Variants in MYOZ1 observed in about 807,000 individuals in gnomAD.
MYOZ1 encodes myozenin 1, also known as myozenin-1.
A neutral mutation model predicts 28.7 loss-of-function variants in MYOZ1; 20 were observed. The observed-to-expected ratio is 0.70, with a 90% CI of 0.49 to 1.01. The LOEUF (loss-of-function observed/expected upper bound fraction) is 1.01, where lower values mean the gene tolerates loss of function less well. Among genes scored for constraint, MYOZ1 ranks in the 50% least tolerant of loss-of-function variants. The pLI, the probability that MYOZ1 is intolerant of heterozygous loss-of-function variation, is 0.00. For missense variants in MYOZ1, 371 were observed against 372.4 expected, an observed-to-expected ratio of 1.00 and a Z score of 0.03; for synonymous variants, 144 against 145.8, an observed-to-expected ratio of 0.99 and a Z score of 0.09.
At position 73,637,858 on chromosome 10, in the gene MYOZ1, C is replaced by T. The variant is rs985654689; in HGVS notation, c.138G>A (p.Leu46=). 2.3e-5 allele frequency: 37 copies of T among 1,614,032 alleles called. No individual in the cohort carries two copies. Among genetic ancestry groups the T allele is most frequent in the Non-Finnish European group, 3.1e-5 (36 of 1,180,036 alleles). ...GGTTGGTAAGCAGCGACAGTTCCTCCAACATCACATCCCTTGGGACACTGA... is the reference window on the plus strand; with the variant it reads ...GGTTGGTAAGCAGCGACAGTTCCTCTAACATCACATCCCTTGGGACACTGA... ...KKISVPRDVM[L]EELSLLTNRG... is the part of the protein sequence containing the mutation. Residue 46 remains leucine (L), a synonymous_variant, in exon 3 of 6, where the codon TTG becomes TTA. Transcript: ENST00000359322.
Position 73,632,128 on chromosome 10 carries a change from GGC to G in MYOZ1, c.700_701del (p.Ala234LeufsTer12). 6.2e-7 allele frequency: 1 copy of G among 1,614,170 alleles called. No individual in the cohort carries two copies. Among genetic ancestry groups the G allele is most frequent in the Non-Finnish European group, 8.5e-7 (1 of 1,180,026 alleles). On this transcript the variant is annotated frameshift_variant, in exon 6 of 6. Coordinates refer to ENST00000359322, the MANE Select transcript of MYOZ1 (RefSeq NM_021245.4). LOFTEE classifies it high-confidence loss of function. The part of the protein sequence containing the change: ...TAMPYGGYEK[A>X]SKRMTFQMPK... ...GCATCTGGAAGGTCATGCGTTTGGA[GGC>G]CTTCTCATATCCACCATAGGGCATT...
chr10:73,634,337 T>A, intron 4 of MYOZ1, 147 bp downstream of exon 4: 5 of 1,032,330 alleles, frequency 4.8e-6, no homozygotes, highest in Non-Finnish European at 4.0e-6. Flanking sequence ...CACCAAGATA[T>A]TTATGATATT....
At chr10:73,633,046 C>A (rs554893397) in intron 5 of MYOZ1, among the ~76,000 whole-genome samples, 2 of 152,120 alleles carry the variant, frequency 1.3e-5, no homozygotes, top group African/African-American at 2.4e-5. Flanking sequence ...CCTGTAATCC[C>A]AGCACTTTGG....
rs757654301 is a variant in MYOZ1, at chr10:73,635,363, T to TA, written c.253-631dup. Among the ~76,000 whole-genome samples, 847 of 145,588 alleles carry TA rather than the reference T, an allele frequency of 5.8e-3. 5 individuals are homozygous for TA. The highest frequency in any genetic ancestry group is 0.019 in the African/African-American group (777 of 39,972). On this transcript the variant is annotated intron_variant, in intron 3 of 5. Coordinates refer to ENST00000359322, the MANE Select transcript of MYOZ1 (RefSeq NM_021245.4). ...AAAGACCAACACGCCTGCCCAGCTT[T>TA]AAAAAAAAAAAATGAAAAAAAATTC...
At chr10:73,639,449 T>C (rs7917000) in intron 2 of MYOZ1, among the ~76,000 whole-genome samples, 2,272 of 152,310 alleles carry the variant, frequency 0.015, 24 homozygotes, top group Middle Eastern at 0.051. Flanking sequence ...TACTTTCCCT[T>C]TTCTTTCCCT....
At chr10:73,638,815 C>T (rs575453609) in intron 2 of MYOZ1, among the ~76,000 whole-genome samples, 32 of 151,492 alleles carry the variant, frequency 2.1e-4, no homozygotes, top group East Asian at 3.9e-4. Flanking sequence ...TACAGGCACC[C>T]GGCACCATGC....
chr10:73,634,806 G>A, intron 3 of MYOZ1, 73 bp from the exon 4 acceptor site: 1 of 1,544,556 alleles, frequency 6.5e-7, no homozygotes, highest in East Asian at 2.3e-5. Flanking sequence ...GGTATGTTTA[G>A]CAAAGGCAGA....
intron 3 of MYOZ1, among the ~76,000 whole-genome samples, chr10:73,636,955 TA>T (rs1273212661): frequency 6.6e-6 from 1 of 152,062 alleles, no homozygotes; most frequent in Non-Finnish European, 1.5e-5. Context: ...GTATATTCTG[TA>T]TTTTAAAATT....
Position 73,634,507 on chromosome 10 carries a change from G to C in MYOZ1, c.479C>G (p.Ala160Gly). 1 of 1,614,052 alleles carries C rather than the reference G, an allele frequency of 6.2e-7. No individual in the cohort carries two copies. Among genetic ancestry groups the C allele is most frequent in the South Asian group, 1.1e-5 (1 of 91,068 alleles). Reference protein sequence around the residue: ...QAGRGGAAGTAGVGETGSGDQ... With the variant: ...QAGRGGAAGTGGVGETGSGDQ... ...GCCTGATCCTGTCTCACCAACCCCTGCTGTGCCAGCAGCTCCTCCTCTGCC... is the reference window on the plus strand; with the variant it reads ...GCCTGATCCTGTCTCACCAACCCCTCCTGTGCCAGCAGCTCCTCCTCTGCC... Residue 160 changes from alanine (A) to glycine (G), a missense_variant, in exon 4 of 6, where the codon GCA (alanine) becomes GGA (glycine). Ala to Gly is a moderately conservative substitution (Grantham distance 60). Transcript: ENST00000359322.
At chr10:73,632,615 AC>A (rs368569767) in intron 5 of MYOZ1, among the ~76,000 whole-genome samples, 9,158 of 100,908 alleles carry the variant, frequency 0.091, 333 homozygotes, top group South Asian at 0.17. Context: ...AAATACAAAC[AC>A]CCCCCCCCCA....
intron 1 of MYOZ1, among the ~76,000 whole-genome samples, chr10:73,640,545 G>T (rs1273440118): frequency 6.6e-6 from 1 of 152,178 alleles, no homozygotes; most frequent in Non-Finnish European, 1.5e-5. Flanking sequence ...ATGCACACCA[G>T]CCCCTGTTGT....
rs901651663 is a variant in MYOZ1 at position 73,638,179 on chromosome 10, T to C, written c.74-257A>G. On this transcript the variant is annotated intron_variant, in intron 2 of 5. Coordinates refer to ENST00000359322, the MANE Select transcript of MYOZ1 (RefSeq NM_021245.4). The stretch of plus-strand genomic sequence containing the variant: ...CAATGGGGTAAAAGAGGTACGGGCA[T>C]GGGGTACAGAGCAAAAGGAGTAAAG... Among the ~76,000 whole-genome samples, 20 of 151,448 alleles carry C rather than the reference T, an allele frequency of 1.3e-4. No homozygotes were observed. The South Asian group carries it at 4.2e-3, about 32-fold the overall frequency.
At chr10:73,632,448 C>G (rs945105039) in intron 5 of MYOZ1, among the ~76,000 whole-genome samples, 1 of 152,058 alleles carries the variant, frequency 6.6e-6, no homozygotes, top group Non-Finnish European at 1.5e-5. Flanking sequence ...ACCCAAGGGC[C>G]TGAGGTCACC....
In MYOZ1 at chr10:73,631,884, T is replaced by C. The variant is rs780377483; in HGVS notation, c.*46A>G. 2.3e-5 allele frequency: 36 copies of C among 1,539,686 alleles called. No homozygotes were observed. Among genetic ancestry groups the C allele is most frequent in the Non-Finnish European group, 3.1e-5 (34 of 1,114,252 alleles). ...ATCTGCTCAGCATTCCCTCTCCAAA[T>C]TGGAGCCAGAGAGGGGAAATGATGC... On this transcript the variant is annotated 3_prime_UTR_variant, in exon 6 of 6. Coordinates refer to ENST00000359322, the MANE Select transcript of MYOZ1 (RefSeq NM_021245.4).
At chr10:73,638,937 A>G (rs932990668) in intron 2 of MYOZ1, among the ~76,000 whole-genome samples, 1 of 137,836 alleles carries the variant, frequency 7.3e-6, no homozygotes, top group African/African-American at 2.7e-5. Context: ...AAGTGCTGGG[A>G]TTACAGGCAT....
At chr10:73,641,187 C>A (rs2081701942) in intron 1 of MYOZ1, among the ~76,000 whole-genome samples, 1 of 152,198 alleles carries the variant, frequency 6.6e-6, no homozygotes, top group South Asian at 2.1e-4. Flanking sequence ...GGTCTCCCTT[C>A]CCATTCTTCC....
At chr10:73,636,200 A>G (rs1348025537) in intron 3 of MYOZ1, among the ~76,000 whole-genome samples, 1 of 152,190 alleles carries the variant, frequency 6.6e-6, no homozygotes, top group East Asian at 1.9e-4. Flanking sequence ...CTTCTTCCTC[A>G]GCTATACCAT....
chr10:73,632,833 A>G (rs901097418), intron 5 of MYOZ1, among the ~76,000 whole-genome samples: 1 of 151,608 alleles, frequency 6.6e-6, no homozygotes, highest in African/African-American at 2.4e-5. Context: ...CTCCAACCCT[A>G]GTGGACAGTG....
rs763908704 is a variant in MYOZ1, at chr10:73,634,502, C to T, written c.484G>A (p.Val162Ile). ...TACTTGCCTGATCCTGTCTCACCAA[C>T]CCCTGCTGTGCCAGCAGCTCCTCCT... The part of the protein sequence containing the change: ...GRGGAAGTAG[V>I]GETGSGDQAG... The change falls in exon 4 of 6, where the codon GTT becomes ATT. Residue 162 changes from valine (V) to isoleucine (I), a missense_variant. By Grantham distance (29) the Val-to-Ile change is conservative. Transcript: ENST00000359322. 3.7e-6 allele frequency: 6 copies of T among 1,613,994 alleles called. No individual in the cohort carries two copies. In the African/African-American group the frequency reaches 4.0e-5, roughly 11 times the overall value.
Sources: allele counts gnomAD v4.1 joint callset (sites outside exome capture counted in the v4.1 genomes callset), GRCh38; gene constraint gnomAD v4.1.1; transcripts MANE v1.5; gene names NCBI Gene and HGNC (gene_info 2026-07-23, HGNC 2026-07-21).